The following SH3BP1 variants were observed in gnomAD, a reference collection of about 807,000 sequenced individuals.
SH3BP1 encodes the protein SH3 domain-binding protein 1.
Under a neutral mutation model 69.8 loss-of-function variants are expected in SH3BP1, and 46 were observed. The observed-to-expected ratio is 0.66, with a 90% CI of 0.52 to 0.84. The LOEUF (loss-of-function observed/expected upper bound fraction) is 0.84, where lower values mean the gene tolerates loss of function less well. Among genes scored for constraint, SH3BP1 ranks in the 40% least tolerant of loss-of-function variants. The pLI is 0.00. For missense variants in SH3BP1, 868 were observed against 930.9 expected, an observed-to-expected ratio of 0.93 and a Z score of 0.88; for synonymous variants, 403 against 378.0, an observed-to-expected ratio of 1.07 and a Z score of -0.77.
rs773568432 is a variant in SH3BP1 at position 37,655,558 on chromosome 22, T to C, written c.1980T>C (p.Pro660=). ...CCAGCCCAGTCTCTTTGAGTAACCC[T>C]GCACAGGTGGACCTGGGGGCTGCCA... ...ASPSPVSLSN[P]AQVDLGAATA... is the part of the protein sequence containing the mutation. Residue 660 remains proline, a synonymous_variant, in exon 18 of 18, where the codon CCT becomes CCC. Coordinates refer to ENST00000649765, the MANE Select transcript of SH3BP1 (RefSeq NM_018957.6). 8.2e-6 allele frequency: 13 copies of C among 1,582,670 alleles called. No homozygotes were observed. Among genetic ancestry groups the C allele is most frequent in the Non-Finnish European group, 1.1e-5 (13 of 1,165,768 alleles).
rs1455282077 is a variant in SH3BP1, at chr22:37,650,624, T to TC, written c.1499dup (p.Ser501ValfsTer37). The TC allele has an allele frequency of 1.2e-6, 2 of 1,613,986 alleles. No individual in the cohort carries two copies. ...GTGACAGGCTGGCCTCTGAGGAACT[T>TC]CCGTCCACTGCCGTGCCCACCCCAG... On this transcript the variant is annotated frameshift_variant, in exon 16 of 18. Coordinates refer to ENST00000649765, the MANE Select transcript of SH3BP1 (RefSeq NM_018957.6). LOFTEE classifies it high-confidence loss of function.
In SH3BP1 at chr22:37,639,831, C is replaced by T. The variant is rs1932514634; in HGVS notation, c.44C>T (p.Thr15Met). 6.4e-7 allele frequency: 1 copy of T among 1,568,628 alleles called. No individual in the cohort carries two copies. Among genetic ancestry groups the T allele is most frequent in the Non-Finnish European group, 8.6e-7 (1 of 1,159,234 alleles). ...CACCGCATGCGGCAGCTGGCCCAGA[C>T]GGGCAGCTTGGGACGGTGAGTGTCA... ...QLHRMRQLAQTGSLGRTPETA... is the reference protein window; with the variant it reads ...QLHRMRQLAQMGSLGRTPETA... Residue 15 changes from threonine to methionine, a missense_variant, in exon 1 of 18, where the codon ACG (threonine) becomes ATG (methionine). Around this residue, in one of 3 missense-constraint regions of SH3BP1, gnomAD observed 387 missense variants for 447.9 expected, o/e 0.86. Transcript: ENST00000649765.
Position 37,655,827 on chromosome 22 carries a change from A to G in SH3BP1, c.*143A>G. The G allele has an allele frequency of 6.8e-7, 1 of 1,462,740 alleles. No individual in the cohort carries two copies. The highest frequency in any genetic ancestry group is 9.0e-7 in the Non-Finnish European group (1 of 1,112,294). The allele number at this position is 1,462,740 out of a possible 1,614,324, so 90.6% of individuals were successfully genotyped here. A position where few individuals can be genotyped will look rare whatever the true frequency, so the allele number is the denominator to read the frequency against. ...CTCAGTGCCCACTGGGTCGGCCCCC[A>G]TGGCCAGGAGGGCTCAGGACAATCC... On this transcript the variant is annotated 3_prime_UTR_variant, in exon 18 of 18. Transcript: ENST00000649765.
chr22:37,651,422 C>T (rs1262033583), intron 16 of SH3BP1, among the ~76,000 whole-genome samples: 1 of 151,554 alleles, frequency 6.6e-6, no homozygotes, highest in Non-Finnish European at 1.5e-5. Flanking sequence ...TGCAGCCTCC[C>T]GGGTTCAAGC....
At chr22:37,641,973 C>T (rs1932613071) in intron 3 of SH3BP1, 1 of 174,838 alleles carries the variant, frequency 5.7e-6, no homozygotes, top group African/African-American at 2.4e-5. Flanking sequence ...GATAAAGTCA[C>T]TTGTCCAAGG....
Position 37,647,499 on chromosome 22 carries a change from C to A in SH3BP1, c.1177C>A (p.Pro393Thr), listed in dbSNP as rs745344570. 16 of 1,605,652 alleles carry A rather than the reference C, an allele frequency of 1.0e-5. No homozygotes were observed. The highest frequency in any genetic ancestry group is 2.2e-5 in the East Asian group (1 of 44,858). The change falls in exon 13 of 18, where the codon CCC (proline) becomes ACC (threonine). Residue 393 changes from proline to threonine, a missense_variant. Physicochemically the swap from Pro to Thr is conservative, Grantham distance 38. Transcript: ENST00000649765. ...ALQEVCSRLP[P>T]ENLSNLRYLM... ...CCAAGAGGTGTGCAGCCGCCTACCC[C>A]CCGAGAACCTCAGCAACCTCAGGTG...
In SH3BP1 at chr22:37,648,334, C is replaced by T. The variant is rs118183308; in HGVS notation, c.1215C>T (p.Phe405=). ...CCGCCCTTAGGTACCTGATGAAGTT[C>T]CTGGCACGGCTGGCCGAGGAGCAGG... ...NLSNLRYLMK[F]LARLAEEQEV... Residue 405 remains phenylalanine (F), a synonymous_variant, in exon 14 of 18, where the codon TTC becomes TTT. Transcript: ENST00000649765. 0.017 allele frequency: 26,326 copies of T among 1,582,730 alleles called. 283 individuals carry two copies. The highest frequency in any genetic ancestry group is 0.038 in the Middle Eastern group (228 of 6,016).
chr22:37,644,050 G>A (rs1932718452), intron 7 of SH3BP1, among the ~76,000 whole-genome samples: 2 of 152,198 alleles, frequency 1.3e-5, no homozygotes, highest in Admixed American at 1.3e-4. Flanking sequence ...AATAAATGAA[G>A]AGTGAATGAA....
In SH3BP1 at chr22:37,639,768, GC is replaced by G. The variant is rs1314880458; in HGVS notation, c.-15del. On this transcript the variant is annotated 5_prime_UTR_variant, in exon 1 of 18. Coordinates refer to ENST00000649765, the MANE Select transcript of SH3BP1 (RefSeq NM_018957.6). ...CCGCGACCCCCGCCGTGACCCCGCA[GC>G]CCCCAGCTCGCCCCCAAGATGATGA... The G allele has an allele frequency of 6.7e-7, 1 of 1,486,800 alleles. No homozygotes were observed. Among genetic ancestry groups the G allele is most frequent in the Admixed American group, 2.3e-5 (1 of 44,174 alleles). The allele number at this position is 1,486,800 out of a possible 1,614,324, so 92.1% of individuals were successfully genotyped here. A position where few individuals can be genotyped will look rare whatever the true frequency, so the allele number is the denominator to read the frequency against.
intron 16 of SH3BP1, among the ~76,000 whole-genome samples, chr22:37,652,825 CAAAA>C (rs34342757): frequency 2.0e-5 from 2 of 97,830 alleles, no homozygotes; most frequent in Non-Finnish European, 4.4e-5. Context: ...AACTCCATCT[CAAAA>C]AAAAAAAAAA....
chr22:37,645,025 C>G (rs1265075201), intron 9 of SH3BP1, 65 bp downstream of exon 9: 16 of 1,404,936 alleles, frequency 1.1e-5, no homozygotes, highest in Non-Finnish European at 1.3e-5. Context: ...TATTGAGAAG[C>G]TCGCACTTCA....
intron 16 of SH3BP1, among the ~76,000 whole-genome samples, chr22:37,653,142 T>C (rs1194554191): frequency 7.7e-6 from 1 of 129,640 alleles, no homozygotes; most frequent in Non-Finnish European, 1.6e-5. Flanking sequence ...TCAACAACAA[T>C]AACAAAAAAA....
rs768796121 is a variant in SH3BP1 at position 37,655,956 on chromosome 22, G to A, written c.*272G>A. 5 of 1,555,788 alleles carry A rather than the reference G, an allele frequency of 3.2e-6. No individual in the cohort carries two copies. In the Admixed American group the frequency reaches 8.5e-5, roughly 27 times the overall value. On this transcript the variant is annotated 3_prime_UTR_variant, in exon 18 of 18. Coordinates refer to ENST00000649765, the MANE Select transcript of SH3BP1 (RefSeq NM_018957.6). ...AGGGGAGCCACCGGAAGGAAGGAGA[G>A]GTTTGCCTGCTCCTACGGGACTGAT... is the stretch of plus-strand genomic sequence containing the variant.
chr22:37,641,288 A>T (rs1932582839), intron 2 of SH3BP1, 86 bp from the exon 3 acceptor site: 10 of 1,512,662 alleles, frequency 6.6e-6, no homozygotes, highest in Non-Finnish European at 9.0e-6. Flanking sequence ...GCTGTTGGCC[A>T]TGGGGTCCCC....
chr22:37,645,321 G>C, intron 9 of SH3BP1, 44 bp from the exon 10 acceptor site: 1 of 1,573,712 alleles, frequency 6.4e-7, no homozygotes, highest in Non-Finnish European at 8.7e-7. Flanking sequence ...CTGACTGCTC[G>C]GGGTGGGAAG....
At chr22:37,642,031 G>A (rs1477839574) in intron 3 of SH3BP1, 1 of 176,952 alleles carries the variant, frequency 5.7e-6, no homozygotes, top group African/African-American at 2.4e-5. Flanking sequence ...CCTGGTCTCT[G>A]ATCCCAGAGC....
Position 37,641,111 on chromosome 22 carries a change from C to CCCCCCA in SH3BP1, c.60-15_60-14insCCCCCA. The CCCCCCA allele has an allele frequency of 7.4e-6, 10 of 1,359,246 alleles. No individual in the cohort carries two copies. The highest frequency in any genetic ancestry group is 1.0e-5 in the Non-Finnish European group (10 of 995,956). 84.2% of individuals were successfully genotyped at this position (1,359,246 alleles called of 1,614,324 possible). On this transcript the variant is annotated splice_polypyrimidine_tract_variant and intron_variant, in intron 1 of 17. Coordinates refer to ENST00000649765, the MANE Select transcript of SH3BP1 (RefSeq NM_018957.6). The stretch of plus-strand genomic sequence containing the variant: ...GCAGAAGCACTCTCCCCCCCCCCCC[C>CCCCCCA]ACCACTCCCCGCAGCACCCCGGAGA...
chr22:37,655,360 T>TGGC lies in SH3BP1; in HGVS notation c.1783_1785dup (p.Gly595dup). The TGGC allele has an allele frequency of 1.0e-6, 1 of 982,112 alleles. No homozygotes were observed. Among genetic ancestry groups the TGGC allele is most frequent in the Non-Finnish European group, 1.2e-6 (1 of 801,920 alleles). The allele number at this position is 982,112 out of a possible 1,614,324, so 60.8% of individuals were successfully genotyped here. On this transcript the variant is annotated inframe_insertion, in exon 18 of 18. Transcript: ENST00000649765. ...CCCCTCCAGCCCCGCCCTTGCCCCC[T>TGGC]GGCTCTGGCAGCCCTGGGACCCCCC... is the stretch of plus-strand genomic sequence containing the variant.
In SH3BP1 at chr22:37,642,994, C is replaced by A; in HGVS notation, c.384C>A (p.Ser128Arg). Residue 128 changes from serine (S) to arginine (R), a missense_variant, in exon 5 of 18, where the codon AGC becomes AGA. Ser to Arg is a moderately radical substitution (Grantham distance 110, BLOSUM62 -1). Around this residue, in one of 3 missense-constraint regions of SH3BP1, gnomAD observed 387 missense variants for 447.9 expected, o/e 0.86. Coordinates refer to ENST00000649765, the MANE Select transcript of SH3BP1 (RefSeq NM_018957.6). ...TLERDVLQPL[S>R]RLSEEELPAI... ...AGAGGGACGTCCTGCAGCCACTCAG[C>A]AGGCTGAGTGAGGTGAGCCTGTGCC... is the stretch of plus-strand genomic sequence containing the variant. 1 of 1,612,956 alleles carries A rather than the reference C, an allele frequency of 6.2e-7. No homozygotes were observed. Among genetic ancestry groups the A allele is most frequent in the African/African-American group, 1.3e-5 (1 of 74,996 alleles).
Sources: allele counts gnomAD v4.1 joint callset (sites outside exome capture counted in the v4.1 genomes callset), GRCh38; gene constraint gnomAD v4.1.1; regional missense constraint gnomAD v4.1.1; transcripts MANE v1.5; gene names NCBI Gene and HGNC (gene_info 2026-07-23, HGNC 2026-07-21).